The following TAB2 variants were observed in gnomAD, a reference collection of about 807,000 sequenced individuals.
The protein encoded by TAB2 is TGF-beta activated kinase 1 (MAP3K7) binding protein 2, also known as TGF-beta-activated kinase 1 and MAP3K7-binding protein 2.
TAB2 carries 3 observed loss-of-function variants against 65.0 expected under a neutral mutation model. That is an observed-to-expected ratio of 0.05 (90% CI 0.02 to 0.12). TAB2 has a LOEUF of 0.12. Among genes scored for constraint, TAB2 ranks in the 10% least tolerant of loss-of-function variants. TAB2 has a pLI of 1.00. For missense variants in TAB2, 623 were observed against 840.3 expected, an observed-to-expected ratio of 0.74 and a Z score of 3.20; for synonymous variants, 298 against 285.1, an observed-to-expected ratio of 1.05 and a Z score of -0.46.
chr6:149,231,804 A>C (rs1223549064), intron 1 of TAB2, among the ~76,000 whole-genome samples: 1 of 152,204 alleles, frequency 6.6e-6, no homozygotes, highest in East Asian at 1.9e-4. Context: ...AAGCTCAAAC[A>C]TCAGGGGAGC....
intron 1 of TAB2, among the ~76,000 whole-genome samples, chr6:149,345,249 A>ATGG (rs1209435310): frequency 6.6e-6 from 1 of 152,166 alleles, no homozygotes; most frequent in Non-Finnish European, 1.5e-5. Context: ...AAGCTTAGAC[A>ATGG]TGGTTAATCA....
chr6:149,407,388 A>G (rs1488454856), intron 6 of TAB2, among the ~76,000 whole-genome samples: 2 of 152,168 alleles, frequency 1.3e-5, no homozygotes, highest in African/African-American at 4.8e-5. Context: ...TATTTCACAT[A>G]AGTGAAATAA....
intron 3 of TAB2, among the ~76,000 whole-genome samples, chr6:149,395,051 G>C (rs1381451735): frequency 2.6e-5 from 4 of 152,224 alleles, no homozygotes; most frequent in Non-Finnish European, 5.9e-5. Flanking sequence ...TTTACCCTTT[G>C]TTTAGAGTCT....
chr6:149,392,384 C>T (rs1202808586), intron 3 of TAB2, among the ~76,000 whole-genome samples: 3 of 152,152 alleles, frequency 2.0e-5, no homozygotes, highest in Non-Finnish European at 4.4e-5. Flanking sequence ...TCAAATGATC[C>T]ACCTGCCTTC....
intron 1 of TAB2, among the ~76,000 whole-genome samples, chr6:149,242,367 G>C (rs995555841): frequency 1.3e-5 from 2 of 152,152 alleles, no homozygotes; most frequent in African/African-American, 4.8e-5. Flanking sequence ...CCAATAGAAA[G>C]TAACCTTTAA....
intron 3 of TAB2, among the ~76,000 whole-genome samples, chr6:149,389,157 C>T (rs1215552149): frequency 1.3e-5 from 2 of 151,634 alleles, no homozygotes; most frequent in Non-Finnish European, 2.9e-5. Flanking sequence ...GGTTTCATCA[C>T]GTTGGCCAGG....
At chr6:149,319,482 A>C (rs575178695) in intron 1 of TAB2, among the ~76,000 whole-genome samples, 1 of 152,368 alleles carries the variant, frequency 6.6e-6, no homozygotes, top group Non-Finnish European at 1.5e-5. Flanking sequence ...GAATTGTTAG[A>C]TACATGAGCT....
intron 1 of TAB2, among the ~76,000 whole-genome samples, chr6:149,366,924 A>T (rs1465183752): frequency 1.3e-5 from 2 of 151,456 alleles, no homozygotes; most frequent in African/African-American, 4.9e-5. Flanking sequence ...TCTCAATCAG[A>T]CTATTTGCCT....
At chr6:149,321,489 G>A (rs1184735417) in intron 1 of TAB2, 1 of 152,028 alleles carries the variant, frequency 6.6e-6, no homozygotes, top group Non-Finnish European at 1.5e-5. Flanking sequence ...TTGCTAAGAG[G>A]GTACTATCTT....
intron 1 of TAB2, among the ~76,000 whole-genome samples, chr6:149,219,898 C>T (rs1057212322): frequency 1.3e-5 from 2 of 152,104 alleles, no homozygotes; most frequent in Admixed American, 6.6e-5. Flanking sequence ...TAAAAATTAT[C>T]GAAAACCCCA....
At chr6:149,383,427 A>AT (rs1562445750) in intron 3 of TAB2, among the ~76,000 whole-genome samples, 16 of 152,196 alleles carry the variant, frequency 1.1e-4, no homozygotes. Context: ...ACATACCTAC[A>AT]TACATACAGA....
At chr6:149,352,385 T>G (rs1370566022) in intron 1 of TAB2, among the ~76,000 whole-genome samples, 1 of 152,184 alleles carries the variant, frequency 6.6e-6, no homozygotes, top group African/African-American at 2.4e-5. Flanking sequence ...ATAGAGGTAA[T>G]TTTTTCTTCC....
At chr6:149,320,956 A>C (rs1170132835) in intron 1 of TAB2, 1 of 152,184 alleles carries the variant, frequency 6.6e-6, no homozygotes, top group East Asian at 1.9e-4. Context: ...GAATGGAAGG[A>C]TTATGAGGTA....
At position 149,324,158 on chromosome 6, in the gene TAB2, A is replaced by G. The variant is rs544674521; in HGVS notation, c.-90+6143A>G. On this transcript the variant is annotated intron_variant, in intron 1 of 6. Transcript: ENST00000637181. ...GCCTAGTACCAGTGCTCCTAGTACA[A>G]GTCACAGAAGCCAGATAATAAAGTA... 2.0e-5 allele frequency among the ~76,000 whole-genome samples: 3 copies of G among 152,304 alleles called. No individual in the cohort carries two copies. In the South Asian group the frequency reaches 6.2e-4, roughly 32 times the overall value.
In TAB2 at chr6:149,378,591, A is replaced by G. The variant is rs146755707; in HGVS notation, c.676A>G (p.Thr226Ala). ...TTACATTACAACTCCTGGTGGTACA[A>G]CTCGACAGACACAACAGCATTCTGG... is the stretch of plus-strand genomic sequence containing the variant. ...RPYITTPGGT[T>A]RQTQQHSGWV... is the part of the protein sequence containing the mutation. Residue 226 changes from threonine (T) to alanine (A), a missense_variant, in exon 3 of 7, where the codon ACT becomes GCT. Around this residue, in one of 3 missense-constraint regions of TAB2, gnomAD observed 550 missense variants for 665.7 expected, o/e 0.83. Transcript: ENST00000637181. The G allele has an allele frequency of 6.8e-6, 11 of 1,613,680 alleles. No homozygotes were observed. Among genetic ancestry groups the G allele is most frequent in the Middle Eastern group, 3.3e-4 (2 of 6,062 alleles).
intron 1 of TAB2, among the ~76,000 whole-genome samples, chr6:149,366,947 G>T (rs954531684): frequency 1.5e-5 from 2 of 131,002 alleles, no homozygotes; most frequent in Admixed American, 1.6e-4. Flanking sequence ...CCCTCAAATT[G>T]TGTATAAATT....
intron 1 of TAB2, chr6:149,255,492 A>G (rs1305556786): frequency 6.6e-6 from 1 of 152,246 alleles, no homozygotes; most frequent in Non-Finnish European, 1.5e-5. Context: ...AAATATTCAT[A>G]AGAGTTATCT....
In TAB2 at chr6:149,403,273, TATATATATATACAC is replaced by T. The variant is rs1383042045; in HGVS notation, c.1939+4091_1939+4104del. Among the ~76,000 whole-genome samples the T allele has an allele frequency of 9.5e-4, 66 of 69,606 alleles. 2 individuals are homozygous for T. The East Asian group carries it at 9.5e-3, about 10-fold the overall frequency. 45.7% of individuals were successfully genotyped at this position (69,606 alleles called of 152,430 possible). ...ATATATATATATATATATATATATA[TATATATATATACAC>T]ACACACACATATATATATATATATA... On this transcript the variant is annotated intron_variant, in intron 6 of 6. Transcript: ENST00000637181.
chr6:149,406,697 T>TTTTGTTTG (rs369961981), intron 6 of TAB2, among the ~76,000 whole-genome samples: 1 of 152,092 alleles, frequency 6.6e-6, no homozygotes. Context: ...TCTACTTCAT[T>TTTTGTTTG]TTTGTTTGTT....
Sources: allele counts gnomAD v4.1 joint callset (sites outside exome capture counted in the v4.1 genomes callset), GRCh38; gene constraint gnomAD v4.1.1; regional missense constraint gnomAD v4.1.1; transcripts MANE v1.5; gene names NCBI Gene and HGNC (gene_info 2026-07-23, HGNC 2026-07-21).